The following ERI1 variants were observed in gnomAD, a reference collection of about 807,000 sequenced individuals.
ERI1 encodes the protein 3'-5' exoribonuclease 1.
A neutral mutation model predicts 39.7 loss-of-function variants in ERI1; 39 were observed. The observed-to-expected ratio is 0.98, with a 90% confidence interval of 0.76 to 1.28. The LOEUF is 1.28. Among genes scored for constraint, ERI1 ranks in the 50% most tolerant of loss-of-function variants. The pLI is 0.00. For synonymous variants in ERI1, 204 were observed against 149.6 expected (o/e 1.36, Z -2.65); for missense variants, 581 against 416.9 (o/e 1.39, Z -3.43).
chr8:9,087,429 T>G lies in ERI1; in HGVS notation n.300-28919T>G, dbSNP rs977650694. Among the ~76,000 whole-genome samples the G allele has an allele frequency of 5.2e-4, 26 of 50,070 alleles. No homozygotes were observed. The South Asian group carries it at 9.2e-3, about 18-fold the overall frequency. The allele number at this position is 50,070 out of a possible 152,430, so 32.8% of individuals were successfully genotyped here. ...ATGTGGCTATTTTTTTTTTTTTTTT[T>G]TTTTTTGATTTTTAGTAGAGACAGG... is the stretch of plus-strand genomic sequence containing the variant. On this transcript the variant is annotated intron_variant and non_coding_transcript_variant, in intron 3 of 3. Coordinates refer to the ERI1 transcript ENST00000518663.
At chr8:9,046,697 T>G (rs1798184419) in intron 3 of ERI1, among the ~76,000 whole-genome samples, 1 of 152,248 alleles carries the variant, frequency 6.6e-6, no homozygotes, top group African/African-American at 2.4e-5. Context: ...CCTTTACTAT[T>G]GAGTCTTTTA....
intron 3 of ERI1, among the ~76,000 whole-genome samples, chr8:9,047,868 C>T (rs773852393): frequency 2.1e-4 from 32 of 152,294 alleles, no homozygotes; most frequent in Admixed American, 5.9e-4. Flanking sequence ...TTGGGGTGCA[C>T]GAGTGCACAC....
At chr8:9,043,107 G>C (rs965660599) in intron 3 of ERI1, among the ~76,000 whole-genome samples, 7 of 152,216 alleles carry the variant, frequency 4.6e-5, no homozygotes, top group Non-Finnish European at 8.8e-5. Flanking sequence ...AACCATGCTT[G>C]ACTGTGGAAG....
At position 9,016,354 on chromosome 8, in the gene ERI1, G is replaced by A; in HGVS notation, c.531G>A (p.Glu177=). The change falls in exon 4 of 7, where the codon GAG becomes GAA. Residue 177 remains glutamate, a synonymous_variant. Coordinates refer to ENST00000250263, the MANE Select transcript of ERI1 (RefSeq NM_153332.4). ...EDTFQQYVRP[E]INTQLSDFCI... Reference sequence around the variant, plus strand: ...CGTTTCAGCAGTATGTAAGACCAGAGATTAACACACAGCTGTCTGATTTCT... The same window carrying A: ...CGTTTCAGCAGTATGTAAGACCAGAAATTAACACACAGCTGTCTGATTTCT... 6.2e-7 allele frequency: 1 copy of A among 1,607,398 alleles called. No individual in the cohort carries two copies. The highest frequency in any genetic ancestry group is 2.3e-5 in the East Asian group (1 of 44,380).
intron 3 of ERI1, among the ~76,000 whole-genome samples, chr8:9,057,536 G>C (rs933725384): frequency 6.6e-6 from 1 of 152,138 alleles, no homozygotes; most frequent in East Asian, 1.9e-4. Context: ...ACAAGTGTTA[G>C]GCATCTAGTC....
chr8:9,015,007 T>G (rs1262189135), intron 3 of ERI1, among the ~76,000 whole-genome samples: 2 of 152,144 alleles, frequency 1.3e-5, no homozygotes, highest in Non-Finnish European at 2.9e-5. Flanking sequence ...CCAGCTAATT[T>G]TTGTATTTTT....
At chr8:9,003,278 C>T in intron 1 of ERI1, 107 bp downstream of exon 1, 2 of 615,762 alleles carry the variant, frequency 3.2e-6, no homozygotes, top group Non-Finnish European at 2.3e-6. Flanking sequence ...CAGCTGTGCG[C>T]CCTTGGACCC....
At chr8:9,037,523 A>G (rs993040059), downstream of ERI1, among the ~76,000 whole-genome samples, 11 of 151,698 alleles carry the variant, frequency 7.3e-5, no homozygotes, top group Non-Finnish European at 1.6e-4. Flanking sequence ...TGTTTCCCCA[A>G]CAGGAGTGTA....
intron 3 of ERI1, among the ~76,000 whole-genome samples, chr8:9,066,338 G>T (rs76572756): frequency 0.039 from 5,865 of 152,294 alleles, 365 homozygotes; most frequent in African/African-American, 0.13. Context: ...GTCCACAGAT[G>T]GATGTCTGTG....
chr8:9,094,258 ACT>A (rs1799801933), intron 3 of ERI1, among the ~76,000 whole-genome samples: 2 of 152,166 alleles, frequency 1.3e-5, no homozygotes. Context: ...ATCGTCGTGG[ACT>A]CTCAGGACAA....
chr8:9,097,175 T>C (rs1244669888), intron 3 of ERI1, among the ~76,000 whole-genome samples: 1 of 152,192 alleles, frequency 6.6e-6, no homozygotes, highest in Non-Finnish European at 1.5e-5. Flanking sequence ...TTTGTGACTA[T>C]TCAATCCCCA....
In ERI1 at chr8:9,013,913, C is replaced by G. The variant is rs181691653; in HGVS notation, c.498+2161C>G. Among the ~76,000 whole-genome samples, 441 of 152,314 alleles carry G rather than the reference C, an allele frequency of 2.9e-3. 2 individuals are homozygous for G. The highest frequency in any genetic ancestry group is 0.01 in the African/African-American group (424 of 41,570). Reference sequence around the variant, plus strand: ...TTAACTGAACTGCTGTGACTTCATTCTGATCCTCTATCATTTATGTGACTT... The same window carrying G: ...TTAACTGAACTGCTGTGACTTCATTGTGATCCTCTATCATTTATGTGACTT... On this transcript the variant is annotated intron_variant, in intron 3 of 6. Coordinates refer to ENST00000250263, the MANE Select transcript of ERI1 (RefSeq NM_153332.4).
At chr8:9,083,213 A>G (rs1033091521) in intron 3 of ERI1, among the ~76,000 whole-genome samples, 1 of 152,162 alleles carries the variant, frequency 6.6e-6, no homozygotes, top group African/African-American at 2.4e-5. Flanking sequence ...GACTGTGGCA[A>G]TAATCCCTTA....
intron 3 of ERI1, among the ~76,000 whole-genome samples, chr8:9,086,453 G>A (rs1799529760): frequency 6.6e-6 from 1 of 152,184 alleles, no homozygotes; most frequent in Admixed American, 6.5e-5. Context: ...TGGAGGCTGA[G>A]GTGGGAGGAT....
chr8:9,033,844 G>T (rs994174289), downstream of ERI1, among the ~76,000 whole-genome samples: 2 of 140,444 alleles, frequency 1.4e-5, no homozygotes, highest in Non-Finnish European at 3.1e-5. Context: ...GTTGTCCTAG[G>T]TAGAATAAAC....
intron 3 of ERI1, among the ~76,000 whole-genome samples, chr8:9,090,242 A>G (rs1249419397): frequency 6.6e-6 from 1 of 151,780 alleles, no homozygotes; most frequent in Admixed American, 6.6e-5. Flanking sequence ...TGAGAGAGGA[A>G]AGGAAGAGGG....
intron 3 of ERI1, among the ~76,000 whole-genome samples, chr8:9,071,745 G>A (rs1799058199): frequency 6.6e-6 from 1 of 152,204 alleles, no homozygotes; most frequent in African/African-American, 2.4e-5. Flanking sequence ...CTCCAACAGA[G>A]CAAGGTGATT....
At chr8:9,013,930 A>G (rs143667732) in intron 3 of ERI1, among the ~76,000 whole-genome samples, 1 of 152,294 alleles carries the variant, frequency 6.6e-6, no homozygotes, top group African/African-American at 2.4e-5. Context: ...TCTATCATTT[A>G]TGTGACTTAC....
chr8:9,068,906 C>A (rs1423819393), intron 3 of ERI1, among the ~76,000 whole-genome samples: 1 of 152,070 alleles, frequency 6.6e-6, no homozygotes, highest in Non-Finnish European at 1.5e-5. Flanking sequence ...AGCGTTGACT[C>A]CCTAGGCTCA....
Sources: gnomAD v4.1 joint callset for allele counts (sites outside exome capture counted in the v4.1 genomes callset) on GRCh38, gnomAD v4.1.1 for gene constraint, MANE v1.5 for transcripts, NCBI Gene and HGNC (gene_info 2026-07-23, HGNC 2026-07-21) for gene names.